Variants in ZNF341 observed in about 807,000 individuals in gnomAD.
ZNF341 encodes zinc finger protein 341.
In ZNF341, 52 loss-of-function variants were observed where a neutral mutation model predicts 87.7. That is an observed-to-expected ratio of 0.59 (90% CI 0.47 to 0.75). The LOEUF (loss-of-function observed/expected upper bound fraction) is 0.75. ZNF341 is among the 30% of genes least tolerant of loss of function. ZNF341 has a pLI of 0.00. For missense variants in ZNF341, 977 were observed against 1,145.9 expected (o/e 0.85, Z 2.13); for synonymous variants, 459 against 472.7 (o/e 0.97, Z 0.38).
In ZNF341 at chr20:33,774,847, A is replaced by T. The variant is rs368930249; in HGVS notation, c.1622+4555A>T. On this transcript the variant is annotated intron_variant, in intron 10 of 14. Coordinates refer to ENST00000375200, the MANE Select transcript of ZNF341 (RefSeq NM_001282933.2). The stretch of plus-strand genomic sequence containing the variant: ...GCCAGGCATGGTGGCATGTGCCTGT[A>T]GTCCCAGTTACTTGGGAGGCTGAGC... Among the ~76,000 whole-genome samples the T allele has an allele frequency of 1.3e-4, 20 of 152,272 alleles. No individual in the cohort carries two copies. In the Middle Eastern group the frequency reaches 0.017, roughly 129 times the overall value.
intron 13 of ZNF341, 92 bp downstream of exon 13, chr20:33,789,066 G>A: frequency 3.2e-6 from 3 of 941,800 alleles, no homozygotes; most frequent in Non-Finnish European, 4.8e-6. Flanking sequence ...CAGGCCTGAG[G>A]GCAGGCCTCT....
chr20:33,782,592 C>T (rs1232531604), intron 11 of ZNF341, among the ~76,000 whole-genome samples: 4 of 152,156 alleles, frequency 2.6e-5, no homozygotes, highest in Non-Finnish European at 5.9e-5. Context: ...GAGCAAGAAC[C>T]ACATGCCAGA....
At chr20:33,747,323 A>G (rs1013265278) in intron 3 of ZNF341, among the ~76,000 whole-genome samples, 4 of 150,210 alleles carry the variant, frequency 2.7e-5, no homozygotes, top group African/African-American at 1.0e-4. Flanking sequence ...CTGGCATAAA[A>G]CAGTCATTTT....
At chr20:33,736,684 T>G (rs1394198264) in intron 1 of ZNF341, among the ~76,000 whole-genome samples, 3 of 152,202 alleles carry the variant, frequency 2.0e-5, no homozygotes, top group Non-Finnish European at 4.4e-5. Context: ...AGGGACGGGT[T>G]TCACCATGTT....
chr20:33,788,690 T>C (rs1205107259), intron 12 of ZNF341, 173 bp from the exon 13 acceptor site: 1 of 677,242 alleles, frequency 1.5e-6, no homozygotes, highest in African/African-American at 1.8e-5. Flanking sequence ...CCTGTCAAAA[T>C]AGCCCTGTCT....
chr20:33,752,394 T>A (rs542368422), intron 4 of ZNF341: 3 of 628,860 alleles, frequency 4.8e-6, no homozygotes, highest in African/African-American at 3.6e-5. Flanking sequence ...ATGGCAAGTT[T>A]CCGAATCTCT....
At chr20:33,744,320 A>G (rs1258898786) in intron 2 of ZNF341, among the ~76,000 whole-genome samples, 1 of 151,972 alleles carries the variant, frequency 6.6e-6, no homozygotes, top group Non-Finnish European at 1.5e-5. Flanking sequence ...AAAGGAAAGA[A>G]AAAGAAAAAA....
intron 5 of ZNF341, among the ~76,000 whole-genome samples, chr20:33,755,950 C>G (rs962477440): frequency 6.6e-6 from 1 of 152,116 alleles, no homozygotes; most frequent in South Asian, 2.1e-4. Context: ...AGGCCAGGCA[C>G]AGGGGCTCAC....
chr20:33,748,464 T>C (rs770964389), intron 3 of ZNF341, among the ~76,000 whole-genome samples: 2 of 152,148 alleles, frequency 1.3e-5, no homozygotes, highest in Non-Finnish European at 1.5e-5. Flanking sequence ...CATTCCGTTT[T>C]TGTTTGTTTG....
rs774133078 is a variant in ZNF341, at chr20:33,770,280, A to G, written c.1610A>G (p.Asn537Ser). Residue 537 changes from asparagine (N) to serine (S), a missense_variant, in exon 10 of 15, where the codon AAT becomes AGT. Transcript: ENST00000375200. ...CCACAGCACAGCCCCAAGAAGGACA[A>G]TGCCGTCTACAAGTAAGTGCCTCCT... is the stretch of plus-strand genomic sequence containing the variant. ...LLPQHSPKKD[N>S]AVYKCVKCVN... The G allele has an allele frequency of 1.8e-5, 25 of 1,370,644 alleles. No homozygotes were observed. The South Asian group carries it at 2.2e-4, about 12-fold the overall frequency. The allele number at this position is 1,370,644 out of a possible 1,614,324, so 84.9% of individuals were successfully genotyped here. A position where few individuals can be genotyped will look rare whatever the true frequency, so the allele number is the denominator to read the frequency against.
chr20:33,790,870 C>G, intron 14 of ZNF341, 118 bp from the exon 15 acceptor site: 2 of 1,230,752 alleles, frequency 1.6e-6, no homozygotes, highest in South Asian at 3.0e-5. Context: ...GTGGAGAGAG[C>G]TGGGGCCAGA....
At chr20:33,766,686 C>T (rs2019413012) in intron 8 of ZNF341, among the ~76,000 whole-genome samples, 165 bp from the exon 9 acceptor site, 1 of 152,176 alleles carries the variant, frequency 6.6e-6, no homozygotes, top group Admixed American at 6.5e-5. Flanking sequence ...AATGGCCGTA[C>T]CAGTGCACAG....
At chr20:33,744,943 C>G (rs538680200) in intron 2 of ZNF341, among the ~76,000 whole-genome samples, 160 bp from the exon 3 acceptor site, 5 of 152,306 alleles carry the variant, frequency 3.3e-5, no homozygotes, top group African/African-American at 1.2e-4. Context: ...TGGCTGACAC[C>G]TGCATGTCAA....
At chr20:33,755,948 C>G (rs1479527138) in intron 5 of ZNF341, among the ~76,000 whole-genome samples, 1 of 152,000 alleles carries the variant, frequency 6.6e-6, no homozygotes, top group African/African-American at 2.4e-5. Context: ...ATAGGCCAGG[C>G]ACAGGGGCTC....
chr20:33,735,365 C>T (rs1412291484), intron 1 of ZNF341, among the ~76,000 whole-genome samples: 1 of 152,014 alleles, frequency 6.6e-6, no homozygotes, highest in Non-Finnish European at 1.5e-5. Context: ...GACAGGATCT[C>T]ACTCTGTCTC....
chr20:33,757,073 A>G, intron 5 of ZNF341, 75 bp from the exon 6 acceptor site: 1 of 1,254,280 alleles, frequency 8.0e-7, no homozygotes, highest in Non-Finnish European at 1.1e-6. Flanking sequence ...TCAGGGAGGC[A>G]GGGAGAGTGC....
intron 12 of ZNF341, chr20:33,788,640 C>T (rs2019925108): frequency 3.5e-6 from 2 of 564,562 alleles, no homozygotes; most frequent in South Asian, 1.9e-5. Context: ...TGAGGTCTCT[C>T]CTCATGCATG....
At chr20:33,790,837 C>A in intron 14 of ZNF341, 151 bp from the exon 15 acceptor site, 3 of 937,342 alleles carry the variant, frequency 3.2e-6, no homozygotes, top group Non-Finnish European at 4.7e-6. Flanking sequence ...CAGAGAGTGG[C>A]TGGAAGAAGG....
chr20:33,751,909 C>T (rs1327986664), intron 4 of ZNF341, among the ~76,000 whole-genome samples: 1 of 152,120 alleles, frequency 6.6e-6, no homozygotes, highest in Non-Finnish European at 1.5e-5. Context: ...ATGTAGGTGA[C>T]CAGCCACCAT....
Sources: allele counts gnomAD v4.1 joint callset (sites outside exome capture counted in the v4.1 genomes callset), GRCh38; gene constraint gnomAD v4.1.1; transcripts MANE v1.5; gene names NCBI Gene and HGNC (gene_info 2026-07-23, HGNC 2026-07-21).